PRKAG2: variants seen among roughly 807,000 people sequenced by gnomAD.
The protein encoded by PRKAG2 is protein kinase AMP-activated non-catalytic subunit gamma 2.
PRKAG2 carries 26 observed loss-of-function variants against 69.6 expected under a neutral mutation model. That is an observed-to-expected ratio of 0.37 (90% CI 0.27 to 0.52). The LOEUF (loss-of-function observed/expected upper bound fraction) is 0.52, where lower values mean the gene tolerates loss of function less well. Ranked by LOEUF, PRKAG2 falls within the 20% of genes least tolerant of loss-of-function variation. PRKAG2 has a pLI of 0.90. For missense variants in PRKAG2, 557 were observed against 740.0 expected, an observed-to-expected ratio of 0.75 and a Z score of 2.87; for synonymous variants, 293 against 285.0, an observed-to-expected ratio of 1.03 and a Z score of -0.28.
At chr7:151,749,621 A>C (rs1458756437) in intron 3 of PRKAG2, among the ~76,000 whole-genome samples, 1 of 152,180 alleles carries the variant, frequency 6.6e-6, no homozygotes, top group Non-Finnish European at 1.5e-5. Context: ...TACAACAAAA[A>C]GACAATCCAA....
chr7:151,813,619 C>G (rs765321053), intron 1 of PRKAG2, among the ~76,000 whole-genome samples: 22 of 152,264 alleles, frequency 1.4e-4, no homozygotes, highest in Non-Finnish European at 2.2e-4. Flanking sequence ...CTTGTTGCTG[C>G]AAATTCACTC....
At chr7:151,693,576 A>C (rs1280197696) in intron 3 of PRKAG2, among the ~76,000 whole-genome samples, 3 of 152,254 alleles carry the variant, frequency 2.0e-5, no homozygotes, top group Admixed American at 1.3e-4. Context: ...ATATTTACAA[A>C]TATCCAAGAA....
chr7:151,865,807 C>T (rs1481334222), intron 1 of PRKAG2, among the ~76,000 whole-genome samples: 1 of 152,124 alleles, frequency 6.6e-6, no homozygotes, highest in Non-Finnish European at 1.5e-5. Context: ...ATCATGAGGT[C>T]AGGAGATTGA....
intron 3 of PRKAG2, among the ~76,000 whole-genome samples, chr7:151,681,607 G>A (rs1260029614): frequency 6.6e-6 from 1 of 151,762 alleles, no homozygotes; most frequent in East Asian, 1.9e-4. Flanking sequence ...TTTGCACGAT[G>A]CCACCCTGTT....
intron 3 of PRKAG2, among the ~76,000 whole-genome samples, chr7:151,737,631 C>T: frequency 6.6e-6 from 1 of 152,198 alleles, no homozygotes; most frequent in East Asian, 1.9e-4. Context: ...CAGCTTGCCA[C>T]TGGAGCCCAG....
chr7:151,570,122 A>G (rs775915166), intron 10 of PRKAG2, 49 bp downstream of exon 10: 13 of 1,568,236 alleles, frequency 8.3e-6, no homozygotes, highest in African/African-American at 1.4e-5. Context: ...TGGTGATAAA[A>G]CACATACATC....
intron 3 of PRKAG2, among the ~76,000 whole-genome samples, chr7:151,677,907 C>T (rs372243877): frequency 2.0e-5 from 3 of 152,228 alleles, no homozygotes; most frequent in Non-Finnish European, 1.5e-5. Context: ...ATTTGCGAAT[C>T]GTTCATTGCT....
chr7:151,865,420 T>C (rs2080039041), intron 1 of PRKAG2, among the ~76,000 whole-genome samples: 1 of 152,236 alleles, frequency 6.6e-6, no homozygotes, highest in Non-Finnish European at 1.5e-5. Flanking sequence ...TTCTGTGGCT[T>C]TCAGTCCCTA....
At chr7:151,663,750 G>A (rs985579032) in intron 4 of PRKAG2, among the ~76,000 whole-genome samples, 1 of 152,192 alleles carries the variant, frequency 6.6e-6, no homozygotes, top group Non-Finnish European at 1.5e-5. Context: ...TGCACTCCAC[G>A]TCTTTAGTGA....
chr7:151,608,244 C>T (rs986865809), intron 5 of PRKAG2, among the ~76,000 whole-genome samples: 16 of 152,178 alleles, frequency 1.1e-4, no homozygotes, highest in African/African-American at 3.9e-4. Flanking sequence ...GACTTCTGGC[C>T]TCCAGAACTA....
At chr7:151,734,337 TC>T (rs1426161803) in intron 3 of PRKAG2, 1 of 152,216 alleles carries the variant, frequency 6.6e-6, no homozygotes, top group East Asian at 1.9e-4. Flanking sequence ...ACAATATTTT[TC>T]CACTTAACAC....
chr7:151,814,536 A>C lies in PRKAG2; in HGVS notation c.115-27995T>G. 2.4e-6 allele frequency: 3 copies of C among 1,231,536 alleles called. No individual in the cohort carries two copies. Among genetic ancestry groups the C allele is most frequent in the Non-Finnish European group, 3.0e-6 (3 of 987,982 alleles). 76.3% of individuals were successfully genotyped at this position (1,231,536 alleles called of 1,614,324 possible). On this transcript the variant is annotated intron_variant, in intron 1 of 15. Transcript: ENST00000287878. The surrounding 1 kb of genome is among the most constrained non-coding windows in gnomAD (Gnocchi z 4.8). ...CGGGCGGCACTCCCAGCTCTGACAA[A>C]TCCTGCTGCCTCACTCGAAAGGTCC... is the stretch of plus-strand genomic sequence containing the variant.
intron 3 of PRKAG2, among the ~76,000 whole-genome samples, chr7:151,764,487 CCCCCGCCCAG>C (rs892489715): frequency 1.3e-5 from 2 of 152,222 alleles, no homozygotes; most frequent in African/African-American, 4.8e-5. Flanking sequence ...GGACCTGCTA[CCCCCGCCCAG>C]TACTTTCTGA....
intron 15 of PRKAG2, chr7:151,560,209 A>C: frequency 5.7e-6 from 7 of 1,223,906 alleles, no homozygotes; most frequent in Non-Finnish European, 7.2e-6. Flanking sequence ...TAGTTCTCTC[A>C]CAAAGCACAA....
At chr7:151,859,559 G>T (rs2079866830) in intron 1 of PRKAG2, among the ~76,000 whole-genome samples, 1 of 152,202 alleles carries the variant, frequency 6.6e-6, no homozygotes, top group Non-Finnish European at 1.5e-5. Context: ...CTTCCCAGGG[G>T]CGAGGACTGT....
chr7:151,807,995 C>A lies in PRKAG2; in HGVS notation c.115-21454G>T, dbSNP rs142977469. Among the ~76,000 whole-genome samples the A allele has an allele frequency of 3.9e-5, 6 of 152,164 alleles. No individual in the cohort carries two copies. Among genetic ancestry groups the A allele is most frequent in the African/African-American group, 1.4e-4 (6 of 41,422 alleles). On this transcript the variant is annotated intron_variant, in intron 1 of 15. Coordinates refer to ENST00000287878, the MANE Select transcript of PRKAG2 (RefSeq NM_016203.4). The surrounding 1 kb of genome is among the most constrained non-coding windows in gnomAD (Gnocchi z 4.4). ...GTAACCCCTCCCTACAAACTACCCCCTTTCCCTCTGCCCAAGTGAGCACAG... is the reference window on the plus strand; with the variant it reads ...GTAACCCCTCCCTACAAACTACCCCATTTCCCTCTGCCCAAGTGAGCACAG...
intron 3 of PRKAG2, among the ~76,000 whole-genome samples, chr7:151,728,413 G>A (rs1395392590): frequency 6.6e-6 from 1 of 152,136 alleles, no homozygotes; most frequent in African/African-American, 2.4e-5. Context: ...CTGGACCCAC[G>A]CACAAGCCCT....
At chr7:151,658,106 C>T (rs1290397403) in intron 4 of PRKAG2, among the ~76,000 whole-genome samples, 3 of 150,612 alleles carry the variant, frequency 2.0e-5, no homozygotes, top group Admixed American at 6.7e-5. Flanking sequence ...TGCAGTGAGC[C>T]GAGATTGCGC....
At chr7:151,765,299 AG>A (rs1321787683) in intron 3 of PRKAG2, among the ~76,000 whole-genome samples, 4 of 152,196 alleles carry the variant, frequency 2.6e-5, no homozygotes, top group African/African-American at 9.7e-5. Flanking sequence ...GAAAGAGTGA[AG>A]GGGAAGTGCT....
Sources: allele counts gnomAD v4.1 joint callset (sites outside exome capture counted in the v4.1 genomes callset), GRCh38; gene constraint gnomAD v4.1.1; non-coding constraint Gnocchi (gnomAD v3.1); transcripts MANE v1.5; gene names NCBI Gene and HGNC (gene_info 2026-07-23, HGNC 2026-07-21).